SYTL5: variants seen among roughly 807,000 people sequenced by gnomAD.
The protein encoded by SYTL5 is synaptotagmin like 5, also known as synaptotagmin-like protein 5.
In SYTL5, 34 loss-of-function variants were observed where a neutral mutation model predicts 55.9. The observed-to-expected ratio is 0.61, with a 90% CI of 0.46 to 0.81. The LOEUF is 0.81. Ranked by LOEUF, SYTL5 falls within the 30% of genes least tolerant of loss-of-function variation. The pLI, the probability that SYTL5 is intolerant of heterozygous loss-of-function variation, is 0.00. For synonymous variants in SYTL5, 221 were observed against 188.7 expected, an observed-to-expected ratio of 1.17 and a Z score of -1.40; for missense variants, 637 against 546.7, an observed-to-expected ratio of 1.17 and a Z score of -1.65.
At chrX:38,079,164 C>G (rs1160262065) in intron 6 of SYTL5, among the ~76,000 whole-genome samples, 1 of 111,903 alleles carries the variant, frequency 8.9e-6, no homozygotes, top group African/African-American at 3.2e-5. Flanking sequence ...ATCCCAGTCT[C>G]TTTGGTCTAT....
the SYTL5 span, among the ~76,000 whole-genome samples, chrX:37,899,850 A>T: frequency 9.0e-6 from 1 of 111,706 alleles, no homozygotes; most frequent in Non-Finnish European, 1.9e-5. Flanking sequence ...ATGTTATAGA[A>T]CTATCTACCA....
the SYTL5 span, among the ~76,000 whole-genome samples, chrX:37,958,041 T>A: frequency 3.6e-5 from 4 of 110,261 alleles, no homozygotes; most frequent in Non-Finnish European, 1.9e-5. Context: ...AAACCTCGGA[T>A]CTACTAAAAA....
intron 8 of SYTL5, among the ~76,000 whole-genome samples, 195 bp downstream of exon 8, chrX:38,094,619 A>G (rs1936881321): frequency 8.9e-6 from 1 of 111,928 alleles, no homozygotes; most frequent in Admixed American, 9.5e-5. Flanking sequence ...CCTTACATTC[A>G]TGAAAATTCC....
At chrX:37,904,193 T>G in the SYTL5 span, among the ~76,000 whole-genome samples, 1 of 105,498 alleles carries the variant, frequency 9.5e-6, no homozygotes, top group Non-Finnish European at 1.9e-5. Flanking sequence ...CTGGGGAATG[T>G]AAGATTTTTG....
At chrX:37,893,392 C>G in the SYTL5 span, among the ~76,000 whole-genome samples, 2 of 96,181 alleles carry the variant, frequency 2.1e-5, no homozygotes, top group Admixed American at 2.5e-4. Flanking sequence ...TTGAATAAAA[C>G]CTTTGACATA....
chrX:38,107,621 T>C (rs1403762174), intron 11 of SYTL5, among the ~76,000 whole-genome samples: 1 of 111,805 alleles, frequency 8.9e-6, no homozygotes, highest in Non-Finnish European at 1.9e-5. Flanking sequence ...AGTTGCCAGA[T>C]GCCACCCAAG....
At position 38,088,421 on chromosome X, in the gene SYTL5, A is replaced by G. The variant is rs773192870; in HGVS notation, c.690-1025A>G. Among the ~76,000 whole-genome samples, 80 of 111,944 alleles carry G rather than the reference A, an allele frequency of 7.1e-4. 3 individuals are homozygous for G. In the Admixed American group the frequency reaches 7.3e-3, roughly 10 times the overall value. ...GACAGTAACTGAGAGAGTAAAACTC[A>G]TAAGGGCTTCTATTTTACCACTTAG... On this transcript the variant is annotated intron_variant, in intron 6 of 16. Coordinates refer to ENST00000297875, the MANE Select transcript of SYTL5 (RefSeq NM_138780.3).
intron 13 of SYTL5, among the ~76,000 whole-genome samples, chrX:38,117,231 C>A (rs1461638938): frequency 9.0e-6 from 1 of 111,520 alleles, no homozygotes; most frequent in Non-Finnish European, 1.9e-5. Flanking sequence ...CAATATGACT[C>A]CCCTGCTTTA....
At chrX:38,094,792 A>G (rs759233347) in intron 8 of SYTL5, among the ~76,000 whole-genome samples, 1 of 112,075 alleles carries the variant, frequency 8.9e-6, no homozygotes, top group African/African-American at 3.2e-5. Context: ...TTCAATTGAT[A>G]TAGTAGTCAG....
Position 38,073,612 on chromosome X carries a change from A to G in SYTL5, c.468A>G (p.Gln156=), listed in dbSNP as rs767971657. ...GAGGAGCTGAAGAAGTACAGAGCCAAGAGCAAACCCGCCAGGATGCAGAAA... is the reference window on the plus strand; with the variant it reads ...GAGGAGCTGAAGAAGTACAGAGCCAGGAGCAAACCCGCCAGGATGCAGAAA... The part of the protein sequence containing the change: ...RSPGAEEVQS[Q]EQTRQDAEKS... Residue 156 remains glutamine, a synonymous_variant, in exon 5 of 17, where the codon CAA becomes CAG. Transcript: ENST00000297875. 2.5e-6 allele frequency: 3 copies of G among 1,194,058 alleles called. No homozygotes were observed. The highest frequency in any genetic ancestry group is 3.7e-5 in the South Asian group (2 of 53,927).
intron 1 of SYTL5, among the ~76,000 whole-genome samples, chrX:38,010,782 A>G (rs1487390536): frequency 1.8e-5 from 2 of 111,848 alleles, no homozygotes; most frequent in Non-Finnish European, 3.8e-5. Flanking sequence ...TTACTAATAC[A>G]CTTGGAGATT....
Position 38,071,981 on chromosome X carries a change from T to C in SYTL5, c.330-66T>C, listed in dbSNP as rs59607924. 1,045 of 770,714 alleles carry C rather than the reference T, an allele frequency of 1.4e-3. 6 individuals are homozygous for C. In the African/African-American group the frequency reaches 0.019, roughly 14 times the overall value. 63.5% of individuals were successfully genotyped at this position (770,714 alleles called of 1,213,427 possible). ...TTTGCTGTTTTCAGTTTATTAGGGATTTTTGAGAGTTAATTATGTGGCTAA... is the reference window on the plus strand; with the variant it reads ...TTTGCTGTTTTCAGTTTATTAGGGACTTTTGAGAGTTAATTATGTGGCTAA... On this transcript the variant is annotated intron_variant, in intron 3 of 16. Coordinates refer to ENST00000297875, the MANE Select transcript of SYTL5 (RefSeq NM_138780.3).
the SYTL5 span, among the ~76,000 whole-genome samples, chrX:37,927,605 C>T: frequency 9.1e-6 from 1 of 109,504 alleles, no homozygotes; most frequent in Non-Finnish European, 1.9e-5. Context: ...GAAGCCTCGT[C>T]TCTACTGAAA....
the SYTL5 span, among the ~76,000 whole-genome samples, chrX:37,932,554 G>A: frequency 8.9e-6 from 1 of 111,800 alleles, no homozygotes; most frequent in South Asian, 3.8e-4. Context: ...TACCCACTGA[G>A]GGTGTTGGAA....
the SYTL5 span, among the ~76,000 whole-genome samples, chrX:37,913,415 G>A: frequency 6.2e-5 from 7 of 112,603 alleles, no homozygotes; most frequent in African/African-American, 2.3e-4. Context: ...TATGTCTATT[G>A]GACATCTTTT....
At chrX:38,022,569 C>A (rs1000467098) in intron 1 of SYTL5, among the ~76,000 whole-genome samples, 1 of 111,805 alleles carries the variant, frequency 8.9e-6, no homozygotes, top group Non-Finnish European at 1.9e-5. Context: ...CTTATGTCGT[C>A]ACACCTGCTT....
chrX:37,890,548 G>T, the SYTL5 span, among the ~76,000 whole-genome samples: 3 of 111,566 alleles, frequency 2.7e-5, no homozygotes, highest in African/African-American at 6.5e-5. Flanking sequence ...TTATTGGGCC[G>T]CAAGGATCAG....
intron 6 of SYTL5, among the ~76,000 whole-genome samples, chrX:38,077,684 G>A (rs775607718): frequency 1.5e-4 from 17 of 111,508 alleles, no homozygotes; most frequent in South Asian, 3.7e-4. Context: ...ACAAGGAAGC[G>A]TAAAGTCATT....
Position 38,102,434 on chromosome X carries a change from T to A in SYTL5, c.1155T>A (p.Thr385=). The A allele has an allele frequency of 8.5e-7, 1 of 1,174,293 alleles. No homozygotes were observed. Among genetic ancestry groups the A allele is most frequent in the Non-Finnish European group, 1.2e-6 (1 of 862,217 alleles). Reference sequence around the variant, plus strand: ...ACCGTCTGGCAAGTGGCCTATCAACTGTAAGCAGTTCACTAGGACATGTGG... The same window carrying A: ...ACCGTCTGGCAAGTGGCCTATCAACAGTAAGCAGTTCACTAGGACATGTGG... ...NTHRLASGLS[T]TSLNSMMSVY... Residue 385 remains threonine (T), a splice_region_variant and synonymous_variant, in exon 10 of 17, where the codon ACT becomes ACA. Transcript: ENST00000297875.
Sources: allele counts gnomAD v4.1 joint callset (sites outside exome capture counted in the v4.1 genomes callset), GRCh38; gene constraint gnomAD v4.1.1; transcripts MANE v1.5; gene names NCBI Gene and HGNC (gene_info 2026-07-23, HGNC 2026-07-21).